Variants in CATSPER3 observed in about 807,000 individuals in gnomAD.
The protein encoded by CATSPER3 is cation channel sperm-associated protein 3.
A neutral mutation model predicts 36.6 loss-of-function variants in CATSPER3; 23 were observed. That is an observed-to-expected ratio of 0.63 (90% CI 0.45 to 0.89). The LOEUF is 0.89. Ranked by LOEUF, CATSPER3 falls within the 40% of genes least tolerant of loss-of-function variation. The probability of loss-of-function intolerance (pLI) is 0.00; values close to 1 mark genes in which losing one functional copy is unlikely to be tolerated. For missense variants in CATSPER3, 474 were observed against 503.9 expected (o/e 0.94, Z 0.57); for synonymous variants, 172 against 184.1 (o/e 0.93, Z 0.53).
chr5:134,972,226 T>A (rs1254681340), intron 2 of CATSPER3, among the ~76,000 whole-genome samples: 2 of 152,200 alleles, frequency 1.3e-5, no homozygotes, highest in Non-Finnish European at 2.9e-5. Context: ...GATTTTCAGA[T>A]GTGGGTTGCT....
At chr5:134,970,913 A>G (rs1441835848) in intron 2 of CATSPER3, among the ~76,000 whole-genome samples, 1 of 151,774 alleles carries the variant, frequency 6.6e-6, no homozygotes, top group African/African-American at 2.4e-5. Flanking sequence ...CCTCTCAAAA[A>G]CTGAGCAAGC....
intron 2 of CATSPER3, among the ~76,000 whole-genome samples, chr5:134,971,330 A>G (rs1235978619): frequency 3.3e-5 from 5 of 151,804 alleles, no homozygotes; most frequent in African/African-American, 1.2e-4. Flanking sequence ...TTTAGGTGGG[A>G]GAATTGCTTG....
At chr5:135,006,021 C>T (rs1406657834) in intron 3 of CATSPER3, among the ~76,000 whole-genome samples, 1 of 151,766 alleles carries the variant, frequency 6.6e-6, no homozygotes, top group Non-Finnish European at 1.5e-5. Flanking sequence ...CAGGGAATTG[C>T]CCCCCCAAAA....
chr5:134,980,412 CCTTTCTTTTTTTCTTT>C (rs1751736533), intron 2 of CATSPER3, among the ~76,000 whole-genome samples: 4 of 146,988 alleles, frequency 2.7e-5, no homozygotes, highest in African/African-American at 5.0e-5. Flanking sequence ...TTCCTTTCCT[CCTTTCTTTTTTTCTTT>C]CTTTCTTTTT....
chr5:135,002,822 C>G lies in CATSPER3; in HGVS notation c.493-5135C>G, dbSNP rs935833509. ...GCTCCGTCAGGTCATTTAAGGCCTT[C>G]TCTACACTGGTTATTCTAGTTAGCC... On this transcript the variant is annotated intron_variant, in intron 3 of 7. Coordinates refer to ENST00000282611, the MANE Select transcript of CATSPER3 (RefSeq NM_178019.3). Among the ~76,000 whole-genome samples, 40 of 152,270 alleles carry G rather than the reference C, an allele frequency of 2.6e-4. 1 individual carries two copies. Among genetic ancestry groups the G allele is most frequent in the Admixed American group, 2.5e-3 (38 of 15,286 alleles).
Position 134,968,100 on chromosome 5 carries a change from T to A in CATSPER3, c.98+11T>A. ...ATTCAAGAAATTTAAGTAAATATTA[T>A]CTATCTCCATTGCCTGTTAAGAAAT... On this transcript the variant is annotated intron_variant, in intron 1 of 7. Transcript: ENST00000282611. 2 of 1,551,926 alleles carry A rather than the reference T, an allele frequency of 1.3e-6. No individual in the cohort carries two copies. Among genetic ancestry groups the A allele is most frequent in the East Asian group, 2.2e-5 (1 of 44,596 alleles).
intron 3 of CATSPER3, among the ~76,000 whole-genome samples, chr5:135,005,213 A>G (rs1752071202): frequency 1.3e-5 from 2 of 152,186 alleles, no homozygotes; most frequent in South Asian, 4.1e-4. Context: ...TTAGAAGGCA[A>G]AGGCTCCTGC....
At chr5:134,975,891 G>A (rs1751667108) in intron 2 of CATSPER3, among the ~76,000 whole-genome samples, 1 of 152,178 alleles carries the variant, frequency 6.6e-6, no homozygotes, top group Non-Finnish European at 1.5e-5. Flanking sequence ...ATCAATGGAT[G>A]AATGGATTTT....
intron 2 of CATSPER3, among the ~76,000 whole-genome samples, chr5:134,973,091 TGG>T (rs1751626023): frequency 6.6e-6 from 1 of 152,118 alleles, no homozygotes; most frequent in African/African-American, 2.4e-5. Context: ...TTCAAAAACT[TGG>T]GGAATATTGT....
intron 3 of CATSPER3, among the ~76,000 whole-genome samples, chr5:135,004,814 G>A (rs1752065017): frequency 6.6e-6 from 1 of 152,176 alleles, no homozygotes; most frequent in Admixed American, 6.5e-5. Flanking sequence ...AGCAGGGTCT[G>A]TGCCTGTGAA....
intron 2 of CATSPER3, among the ~76,000 whole-genome samples, chr5:134,983,268 T>C (rs1751770464): frequency 6.6e-6 from 1 of 152,190 alleles, no homozygotes; most frequent in African/African-American, 2.4e-5. Context: ...ATGAACAGAT[T>C]TTTAAAATCC....
rs1282129974 is a variant in CATSPER3 at position 134,996,337 on chromosome 5, C to G, written c.317C>G (p.Pro106Arg). The G allele has an allele frequency of 1.9e-6, 3 of 1,614,098 alleles. No individual in the cohort carries two copies. Among genetic ancestry groups the G allele is most frequent in the Non-Finnish European group, 2.5e-6 (3 of 1,179,942 alleles). The change falls in exon 3 of 8, where the codon CCC becomes CGC. Residue 106 changes from proline to arginine, a missense_variant. Physicochemically the swap from Pro to Arg is moderately radical, Grantham distance 103. Coordinates refer to ENST00000282611, the MANE Select transcript of CATSPER3 (RefSeq NM_178019.3). ...SELSMKVYVD[P>R]INYWKNGYNL... ...TTGTCCATGAAGGTCTATGTGGACC[C>G]CATCAACTACTGGAAGAACGGCTAC... is the stretch of plus-strand genomic sequence containing the variant.
At chr5:135,011,494 C>A in intron 7 of CATSPER3, 27 bp from the exon 8 acceptor site, 1 of 1,575,622 alleles carries the variant, frequency 6.3e-7, no homozygotes, top group Non-Finnish European at 8.7e-7. Flanking sequence ...GACCTCAGAT[C>A]TTATCTCCTC....
intron 2 of CATSPER3, among the ~76,000 whole-genome samples, chr5:134,989,343 T>A (rs1300885002): frequency 6.6e-6 from 1 of 152,254 alleles, no homozygotes; most frequent in Non-Finnish European, 1.5e-5. Flanking sequence ...AAGCCAGGCC[T>A]TACTTTTCCC....
At position 134,993,213 on chromosome 5, in the gene CATSPER3, C is replaced by A. The variant is rs571553298; in HGVS notation, c.253-3060C>A. Among the ~76,000 whole-genome samples, 65 of 152,240 alleles carry A rather than the reference C, an allele frequency of 4.3e-4. 1 individual carries two copies. The South Asian group carries it at 0.013, about 31-fold the overall frequency. Reference sequence around the variant, plus strand: ...GTGAAAAAAGCCAGACACAAAGGGACAAATATTGTATGGTTTCACCCATAT... The same window carrying A: ...GTGAAAAAAGCCAGACACAAAGGGAAAAATATTGTATGGTTTCACCCATAT... On this transcript the variant is annotated intron_variant, in intron 2 of 7. Coordinates refer to ENST00000282611, the MANE Select transcript of CATSPER3 (RefSeq NM_178019.3).
intron 2 of CATSPER3, among the ~76,000 whole-genome samples, chr5:134,983,739 A>G (rs1034465014): frequency 6.6e-6 from 1 of 152,162 alleles, no homozygotes. Flanking sequence ...AGATAAAACA[A>G]TTTTTCTCTA....
At chr5:135,003,597 C>T (rs1437198955) in intron 3 of CATSPER3, among the ~76,000 whole-genome samples, 1 of 152,214 alleles carries the variant, frequency 6.6e-6, no homozygotes, top group Non-Finnish European at 1.5e-5. Context: ...GCTGTGGGCT[C>T]CACTCAGTTT....
intron 2 of CATSPER3, among the ~76,000 whole-genome samples, chr5:134,987,907 T>C (rs1751831006): frequency 6.6e-6 from 1 of 152,172 alleles, no homozygotes; most frequent in Non-Finnish European, 1.5e-5. Flanking sequence ...TATGACTGCT[T>C]TCACCACGAT....
intron 2 of CATSPER3, among the ~76,000 whole-genome samples, chr5:134,970,824 G>A (rs1009348891): frequency 3.9e-5 from 6 of 152,006 alleles, no homozygotes; most frequent in African/African-American, 1.2e-4. Context: ...TGCCTGCGTC[G>A]GGCTCCCAAA....
Sources: gnomAD v4.1 joint callset for allele counts (sites outside exome capture counted in the v4.1 genomes callset) on GRCh38, gnomAD v4.1.1 for gene constraint, MANE v1.5 for transcripts, NCBI Gene and HGNC (gene_info 2026-07-23, HGNC 2026-07-21) for gene names.